SRRM4: variants seen among roughly 807,000 people sequenced by gnomAD.
The protein encoded by SRRM4 is serine/arginine repetitive matrix 4, also known as serine/arginine repetitive matrix protein 4.
A neutral mutation model predicts 68.9 loss-of-function variants in SRRM4; 33 were observed. The observed-to-expected ratio is 0.48, with a 90% CI of 0.36 to 0.64. The LOEUF is 0.64. SRRM4 is among the 30% of genes least tolerant of loss of function. The pLI is 0.00. For synonymous variants in SRRM4, 318 were observed against 318.8 expected (o/e 1.00, Z 0.03); for missense variants, 817 against 827.1 (o/e 0.99, Z 0.15).
At position 119,160,289 on chromosome 12, in the gene SRRM4, G is replaced by GTCTCTCTCTCTCTC. The variant is rs55907957; in HGVS notation, c.*3512_*3525dup. 7 of 143,140 alleles carry GTCTCTCTCTCTCTC rather than the reference G, an allele frequency of 4.9e-5. No homozygotes were observed. Among genetic ancestry groups the GTCTCTCTCTCTCTC allele is most frequent in the South Asian group, 2.3e-4 (1 of 4,356 alleles). 8.9% of individuals were successfully genotyped at this position (143,140 alleles called of 1,614,324 possible). ...TGTCTCTCTCTCTGTCTCTCTCTCT[G>GTCTCTCTCTCTCTC]TCTCTCTCTCTCTCTCTCTCTCTCT... On this transcript the variant is annotated 3_prime_UTR_variant, in exon 13 of 13. Coordinates refer to ENST00000267260, the MANE Select transcript of SRRM4 (RefSeq NM_194286.4).
At chr12:118,987,894 TTTAA>T (rs1332779300) in intron 1 of SRRM4, among the ~76,000 whole-genome samples, 2 of 152,244 alleles carry the variant, frequency 1.3e-5, no homozygotes. Context: ...CTTTTTAATT[TTTAA>T]AATTTGTTTT....
At chr12:119,006,849 G>C (rs755263028) in intron 1 of SRRM4, among the ~76,000 whole-genome samples, 1 of 152,242 alleles carries the variant, frequency 6.6e-6, no homozygotes, top group Non-Finnish European at 1.5e-5. Context: ...TGGGCATGGT[G>C]GTGGGTTGAA....
chr12:119,130,424 T>TGGTTGGAG (rs1555220478), intron 7 of SRRM4, among the ~76,000 whole-genome samples: 4 of 150,558 alleles, frequency 2.7e-5, no homozygotes, highest in African/African-American at 9.8e-5. Context: ...GATGGATGGA[T>TGGTTGGAG]GGATGGATGG....
chr12:118,989,549 C>T (rs1366633133), intron 1 of SRRM4, among the ~76,000 whole-genome samples: 1 of 142,634 alleles, frequency 7.0e-6, no homozygotes, highest in Non-Finnish European at 1.5e-5. Flanking sequence ...CCACACCTTC[C>T]AGCCCCCCAC....
intron 1 of SRRM4, among the ~76,000 whole-genome samples, chr12:118,992,583 A>G (rs1365982400): frequency 1.3e-5 from 2 of 152,226 alleles, no homozygotes; most frequent in Non-Finnish European, 2.9e-5. Flanking sequence ...AGGGGCAGGT[A>G]TCTGAGCAGT....
intron 1 of SRRM4, among the ~76,000 whole-genome samples, chr12:119,030,344 C>T (rs77622772): frequency 0.046 from 7,063 of 152,220 alleles, 251 homozygotes; most frequent in East Asian, 0.17. Flanking sequence ...TATCACAGGG[C>T]ACCTCTAAAC....
intron 1 of SRRM4, among the ~76,000 whole-genome samples, chr12:118,982,679 G>GTTTTTTTTTTT (rs370087102): frequency 4.9e-5 from 5 of 102,144 alleles, no homozygotes; most frequent in African/African-American, 9.9e-5. Flanking sequence ...GTTTTTTTTT[G>GTTTTTTTTTTT]TTTTTTTTTT....
chr12:119,146,509 C>T lies in SRRM4; in HGVS notation c.1076+824C>T, dbSNP rs145162716. On this transcript the variant is annotated intron_variant, in intron 9 of 12. Coordinates refer to ENST00000267260, the MANE Select transcript of SRRM4 (RefSeq NM_194286.4). ...GCTGAGGCAGGAAAATTGCTTGAAC[C>T]CTGGAGGCGGAGGTGGCAGTGAGCT... 4.3e-4 allele frequency among the ~76,000 whole-genome samples: 65 copies of T among 151,852 alleles called. 2 individuals are homozygous for T. Among genetic ancestry groups the T allele is most frequent in the African/African-American group, 1.5e-3 (64 of 41,368 alleles).
At chr12:119,014,817 A>G (rs1953471236) in intron 1 of SRRM4, among the ~76,000 whole-genome samples, 1 of 152,150 alleles carries the variant, frequency 6.6e-6, no homozygotes, top group South Asian at 2.1e-4. Flanking sequence ...GGAATATCTT[A>G]TGATTACATA....
At chr12:119,051,735 CT>C (rs1452888069) in intron 1 of SRRM4, among the ~76,000 whole-genome samples, 3 of 152,178 alleles carry the variant, frequency 2.0e-5, no homozygotes, top group Non-Finnish European at 4.4e-5. Context: ...TGTTTAATCT[CT>C]TGTTTCTTTT....
rs34680171 is a variant in SRRM4 at position 119,126,014 on chromosome 12, C to CTTTTTTTTTTTTT, written c.614+550_614+562dup. ...AGGAATGACAACACCATACTAGCTG[C>CTTTTTTTTTTTTT]TTTTTTTTTTTTTTTTTTTTTTTTT... On this transcript the variant is annotated intron_variant, in intron 7 of 12. Coordinates refer to ENST00000267260, the MANE Select transcript of SRRM4 (RefSeq NM_194286.4). 1.7e-4 allele frequency among the ~76,000 whole-genome samples: 12 copies of CTTTTTTTTTTTTT among 71,162 alleles called. 1 individual carries two copies. Among genetic ancestry groups the CTTTTTTTTTTTTT allele is most frequent in the African/African-American group, 5.6e-4 (10 of 17,722 alleles). 46.7% of individuals were successfully genotyped at this position (71,162 alleles called of 152,430 possible).
intron 1 of SRRM4, among the ~76,000 whole-genome samples, chr12:119,101,811 A>ATCTC (rs1954079269): frequency 6.6e-6 from 1 of 152,156 alleles, no homozygotes; most frequent in African/African-American, 2.4e-5. Context: ...TGAGAAAAGA[A>ATCTC]ATGAAATGCT....
chr12:119,138,573 G>A (rs1446504072), intron 8 of SRRM4, among the ~76,000 whole-genome samples: 2 of 152,158 alleles, frequency 1.3e-5, no homozygotes, highest in East Asian at 1.9e-4. Flanking sequence ...GGTTAACTCT[G>A]GGGTGCATGT....
chr12:119,010,011 T>C (rs942281475), intron 1 of SRRM4, among the ~76,000 whole-genome samples: 4 of 152,230 alleles, frequency 2.6e-5, no homozygotes, highest in Non-Finnish European at 4.4e-5. Context: ...GTGTATTTTC[T>C]TTGTATGGGA....
intron 1 of SRRM4, among the ~76,000 whole-genome samples, chr12:119,008,200 A>C (rs978911117): frequency 6.6e-6 from 1 of 151,934 alleles, no homozygotes; most frequent in Non-Finnish European, 1.5e-5. Context: ...CCAGGAGTTC[A>C]AGACATGACA....
At chr12:119,050,782 A>C (rs1953737701) in intron 1 of SRRM4, among the ~76,000 whole-genome samples, 1 of 152,202 alleles carries the variant, frequency 6.6e-6, no homozygotes, top group Non-Finnish European at 1.5e-5. Context: ...CTAGAACTGT[A>C]CTGTCCAATA....
chr12:119,104,334 C>G (rs1954094500), intron 2 of SRRM4, among the ~76,000 whole-genome samples: 1 of 152,052 alleles, frequency 6.6e-6, no homozygotes, highest in Non-Finnish European at 1.5e-5. Context: ...TATTGTAGAG[C>G]TGTTGTACTC....
At chr12:119,013,301 C>G (rs1211988083) in intron 1 of SRRM4, among the ~76,000 whole-genome samples, 1 of 152,122 alleles carries the variant, frequency 6.6e-6, no homozygotes, top group Admixed American at 6.6e-5. Context: ...AGCAATTAAC[C>G]CAGTGCAACA....
intron 1 of SRRM4, among the ~76,000 whole-genome samples, chr12:119,056,288 G>A (rs755720271): frequency 1.3e-5 from 2 of 152,210 alleles, no homozygotes; most frequent in African/African-American, 2.4e-5. Flanking sequence ...CTATCATGTA[G>A]AGATGTCATT....
Sources: gnomAD v4.1 joint callset for allele counts (sites outside exome capture counted in the v4.1 genomes callset) on GRCh38, gnomAD v4.1.1 for gene constraint, MANE v1.5 for transcripts, NCBI Gene and HGNC (gene_info 2026-07-23, HGNC 2026-07-21) for gene names.